The following KCTD21 variants were observed in gnomAD, a reference collection of about 807,000 sequenced individuals.
KCTD21 encodes potassium channel tetramerization domain containing 21.
In KCTD21, 9 loss-of-function variants were observed where a neutral mutation model predicts 13.2. The ratio of observed to expected loss-of-function variants is 0.68; its 90% CI spans 0.41 to 1.19. The LOEUF is 1.19. Among genes scored for constraint, KCTD21 ranks in the 50% most tolerant of loss-of-function variants. The pLI is 0.01. For missense variants in KCTD21, 303 were observed against 336.5 expected, an observed-to-expected ratio of 0.90 and a Z score of 0.78; for synonymous variants, 142 against 137.4, an observed-to-expected ratio of 1.03 and a Z score of -0.23.
chr11:78,187,956 C>G (rs1484867769), intron 1 of KCTD21: 10 of 985,236 alleles, frequency 1.0e-5, no homozygotes, highest in African/African-American at 1.7e-5. Flanking sequence ...ATAGTGACGC[C>G]TCTACTTTTC....
chr11:78,171,613 AC>A lies in KCTD21; in HGVS notation c.*2158del. On this transcript the variant is annotated 3_prime_UTR_variant, in exon 2 of 2. Coordinates refer to ENST00000340067, the MANE Select transcript of KCTD21 (RefSeq NM_001029859.3). Reference sequence around the variant, plus strand: ...TTCTCCATGAGGGGCTCTCCCAAGTACCCTTGGCCTGGGACAGCTGTCTTTT... The same window carrying A: ...TTCTCCATGAGGGGCTCTCCCAAGTACCTTGGCCTGGGACAGCTGTCTTTT... The A allele has an allele frequency of 6.6e-6, 1 of 152,246 alleles. No homozygotes were observed. The highest frequency in any genetic ancestry group is 1.9e-4 in the East Asian group (1 of 5,166). 9.4% of individuals were successfully genotyped at this position (152,246 alleles called of 1,614,324 possible). A position where few individuals can be genotyped will look rare whatever the true frequency, so the allele number is the denominator to read the frequency against.
chr11:78,174,956 G>A, intron 1 of KCTD21: 1 of 169,464 alleles, frequency 5.9e-6, no homozygotes, highest in Non-Finnish European at 1.3e-5. Flanking sequence ...AGAACCACTG[G>A]TCTAAAGAAA....
chr11:78,187,345 G>A (rs1251822232), intron 1 of KCTD21: 2 of 985,192 alleles, frequency 2.0e-6, no homozygotes, highest in Non-Finnish European at 2.4e-6. Context: ...TAAGAAATCC[G>A]AAGGCTGCTC....
intron 1 of KCTD21, chr11:78,178,100 C>T (rs1862506779): frequency 6.6e-6 from 1 of 151,892 alleles, no homozygotes; most frequent in South Asian, 2.1e-4. Context: ...CCTATCCAGT[C>T]ACAGAGCTCA....
intron 1 of KCTD21, among the ~76,000 whole-genome samples, chr11:78,184,209 AGACCCT>A (rs1393918287): frequency 2.6e-5 from 4 of 152,256 alleles, no homozygotes; most frequent in Non-Finnish European, 5.9e-5. Flanking sequence ...ATGGATAGTA[AGACCCT>A]GACATCATAT....
intron 1 of KCTD21, among the ~76,000 whole-genome samples, chr11:78,178,152 A>G (rs1862510978): frequency 7.0e-6 from 1 of 143,682 alleles, no homozygotes; most frequent in Non-Finnish European, 1.5e-5. Context: ...TTTGAGATGG[A>G]GTCTCGCTCT....
chr11:78,186,337 A>C (rs909947138), intron 1 of KCTD21, among the ~76,000 whole-genome samples: 2 of 132,066 alleles, frequency 1.5e-5, no homozygotes, highest in Non-Finnish European at 3.1e-5. Context: ...ACGCCACTGC[A>C]CTCCAGCTTG....
At chr11:78,187,582 G>A (rs1027619174) in intron 1 of KCTD21, 19 of 985,152 alleles carry the variant, frequency 1.9e-5, no homozygotes, top group Non-Finnish European at 2.0e-5. Context: ...TCACTCTCAC[G>A]CTTCACCTTG....
At chr11:78,185,560 T>G (rs1862741257) in intron 1 of KCTD21, among the ~76,000 whole-genome samples, 1 of 151,866 alleles carries the variant, frequency 6.6e-6, no homozygotes, top group Non-Finnish European at 1.5e-5. Flanking sequence ...GCAGTCTGGA[T>G]AGAGCCACCA....
At chr11:78,186,783 C>G (rs1191879522) in intron 1 of KCTD21, 2 of 985,340 alleles carry the variant, frequency 2.0e-6, no homozygotes, top group African/African-American at 3.5e-5. Context: ...TCGGCCAGGT[C>G]TCTCAGCTGG....
chr11:78,177,983 T>G (rs2136996423), intron 1 of KCTD21: 1 of 152,342 alleles, frequency 6.6e-6, no homozygotes, highest in Admixed American at 6.5e-5. Flanking sequence ...CCCGGTCATT[T>G]GTCTGGGGAG....
intron 1 of KCTD21, among the ~76,000 whole-genome samples, chr11:78,179,316 C>T (rs1342033370): frequency 1.3e-5 from 2 of 151,828 alleles, no homozygotes; most frequent in Non-Finnish European, 2.9e-5. Flanking sequence ...ATTACCACGT[C>T]TGCCCCTCTG....
chr11:78,186,358 T>A (rs1862763695), intron 1 of KCTD21, among the ~76,000 whole-genome samples: 1 of 92,360 alleles, frequency 1.1e-5, no homozygotes, highest in Non-Finnish European at 2.0e-5. Flanking sequence ...GGCAACAGAG[T>A]AAGACCCTGT....
intron 1 of KCTD21, among the ~76,000 whole-genome samples, chr11:78,178,958 C>T (rs1310312986): frequency 1.3e-5 from 2 of 152,182 alleles, no homozygotes. Flanking sequence ...GGGACCATCC[C>T]TTTATCTGCA....
At chr11:78,176,354 A>C (rs1862449990) in intron 1 of KCTD21, 1 of 152,028 alleles carries the variant, frequency 6.6e-6, no homozygotes, top group Admixed American at 6.6e-5. Flanking sequence ...CAAATGCAGG[A>C]CTCTGTCAGA....
chr11:78,186,711 G>T (rs916478309), intron 1 of KCTD21: 18 of 985,270 alleles, frequency 1.8e-5, no homozygotes, highest in African/African-American at 1.2e-4. Flanking sequence ...GGCCCTCTTC[G>T]ACTTCTGCAA....
chr11:78,187,556 C>A, intron 1 of KCTD21: 2 of 985,440 alleles, frequency 2.0e-6, no homozygotes, highest in Non-Finnish European at 2.4e-6. Flanking sequence ...CCAGAACTTT[C>A]CTTCACCTTC....
At chr11:78,178,131 C>CTTTTTTTTTT (rs11453841) in intron 1 of KCTD21, 1 of 141,886 alleles carries the variant, frequency 7.0e-6, no homozygotes, top group Non-Finnish European at 1.5e-5. Flanking sequence ...CCCTTCTTTT[C>CTTTTTTTTTT]TTTTTTTTTT....
chr11:78,182,779 G>A (rs1166522553), intron 1 of KCTD21, among the ~76,000 whole-genome samples: 1 of 152,156 alleles, frequency 6.6e-6, no homozygotes, highest in Non-Finnish European at 1.5e-5. Flanking sequence ...GACGTCTTCG[G>A]CAGGAAGCTG....
Sources: allele counts gnomAD v4.1 joint callset (sites outside exome capture counted in the v4.1 genomes callset), GRCh38; gene constraint gnomAD v4.1.1; transcripts MANE v1.5; gene names NCBI Gene and HGNC (gene_info 2026-07-23, HGNC 2026-07-21).